The following SFMBT2 variants were observed in gnomAD, a reference collection of about 807,000 sequenced individuals.
SFMBT2 encodes scm-like with four MBT domains protein 2.
Under a neutral mutation model 110.1 loss-of-function variants are expected in SFMBT2, and 38 were observed. The ratio of observed to expected loss-of-function variants is 0.35; its 90% CI spans 0.27 to 0.45. The LOEUF (loss-of-function observed/expected upper bound fraction) is 0.45. Among genes scored for constraint, SFMBT2 ranks in the 20% least tolerant of loss-of-function variants. SFMBT2 has a pLI of 1.00. For missense variants in SFMBT2, 1,011 were observed against 1,094.9 expected, an observed-to-expected ratio of 0.92 and a Z score of 1.08; for synonymous variants, 425 against 425.4, an observed-to-expected ratio of 1.00 and a Z score of 0.01.
intron 4 of SFMBT2, among the ~76,000 whole-genome samples, chr10:7,324,960 A>AC (rs1843331957): frequency 8.8e-6 from 1 of 113,458 alleles, no homozygotes; most frequent in African/African-American, 3.6e-5. Context: ...TAGAGGCCCC[A>AC]CTTTTTTTTT....
chr10:7,163,390 T>G lies in SFMBT2; in HGVS notation c.*380A>C, dbSNP rs551313735. 4.2e-4 allele frequency: 78 copies of G among 187,164 alleles called. No individual in the cohort carries two copies. The highest frequency in any genetic ancestry group is 7.7e-5 in the Non-Finnish European group (7 of 90,404). 11.6% of individuals were successfully genotyped at this position (187,164 alleles called of 1,614,324 possible). A position where few individuals can be genotyped will look rare whatever the true frequency, so the allele number is the denominator to read the frequency against. On this transcript the variant is annotated 3_prime_UTR_variant, in exon 21 of 21. Transcript: ENST00000397167. This position sits in a 1 kb window ranked among gnomAD's most constrained non-coding sequence, Gnocchi z 4.8. The stretch of plus-strand genomic sequence containing the variant: ...TGTGATTACAGGAAACACTACAGCA[T>G]GGCGTGAGGTTTCTTCCTTGGCGAC...
intron 4 of SFMBT2, among the ~76,000 whole-genome samples, chr10:7,333,474 C>A (rs117123877): frequency 0.034 from 5,105 of 151,468 alleles, 120 homozygotes; most frequent in Non-Finnish European, 0.054. Flanking sequence ...CTCACTACCA[C>A]CTCGAATTCC....
intron 6 of SFMBT2, among the ~76,000 whole-genome samples, chr10:7,282,890 G>A (rs2131839354): frequency 6.6e-6 from 1 of 152,128 alleles, no homozygotes; most frequent in East Asian, 1.9e-4. Context: ...ACCAATTTCT[G>A]AAAAAATACG....
chr10:7,313,779 A>G (rs1348235690), intron 4 of SFMBT2, among the ~76,000 whole-genome samples: 2 of 152,222 alleles, frequency 1.3e-5, no homozygotes, highest in Non-Finnish European at 2.9e-5. Flanking sequence ...CACCATGTCC[A>G]GCCAGGTTGT....
chr10:7,178,780 C>T (rs774574286), intron 16 of SFMBT2, among the ~76,000 whole-genome samples: 21 of 152,186 alleles, frequency 1.4e-4, no homozygotes, highest in Non-Finnish European at 2.8e-4. Context: ...CAGCCCTTAT[C>T]CAAATATTTA....
intron 4 of SFMBT2, among the ~76,000 whole-genome samples, chr10:7,363,863 A>G (rs1844806669): frequency 6.6e-6 from 1 of 152,092 alleles, no homozygotes; most frequent in African/African-American, 2.4e-5. Context: ...ATCAGTAAGA[A>G]AATCTCCGTC....
intron 4 of SFMBT2, among the ~76,000 whole-genome samples, chr10:7,348,913 G>T (rs937135564): frequency 2.0e-5 from 3 of 152,184 alleles, no homozygotes; most frequent in Non-Finnish European, 4.4e-5. Flanking sequence ...CTCAGAAGTG[G>T]TAAGTTCCAT....
At chr10:7,341,365 G>T (rs568545177) in intron 4 of SFMBT2, among the ~76,000 whole-genome samples, 1 of 152,114 alleles carries the variant, frequency 6.6e-6, no homozygotes, top group Non-Finnish European at 1.5e-5. Flanking sequence ...TAAATCTAAC[G>T]TTCATTCTGG....
intron 9 of SFMBT2, among the ~76,000 whole-genome samples, chr10:7,228,672 C>CT (rs1163114000): frequency 1.8e-4 from 15 of 85,066 alleles, no homozygotes; most frequent in African/African-American, 6.1e-4. Flanking sequence ...ACTAAAGTGG[C>CT]TTCTTTCTTT....
chr10:7,332,966 A>C (rs1030403286), intron 4 of SFMBT2, among the ~76,000 whole-genome samples: 1 of 152,176 alleles, frequency 6.6e-6, no homozygotes. Context: ...TCCTGGGTTC[A>C]AGTGATTCTC....
intron 15 of SFMBT2, among the ~76,000 whole-genome samples, chr10:7,191,667 C>T (rs973506147): frequency 2.6e-5 from 4 of 152,134 alleles, no homozygotes; most frequent in African/African-American, 7.2e-5. Flanking sequence ...AGGATTATTC[C>T]GTAATTGGCT....
chr10:7,264,263 CCAGACTCAATG>C (rs1841314188), intron 7 of SFMBT2: 1 of 241,108 alleles, frequency 4.1e-6, no homozygotes, highest in Non-Finnish European at 6.7e-6. Context: ...CCCAACCAAA[CCAGACTCAATG>C]CAGTGCACTG....
chr10:7,208,275 G>A (rs542783171), intron 11 of SFMBT2, among the ~76,000 whole-genome samples: 20 of 152,126 alleles, frequency 1.3e-4, no homozygotes, highest in Non-Finnish European at 2.6e-4. Context: ...TTTCTCCTCC[G>A]CAGACCCAAA....
chr10:7,273,680 C>T (rs11593687), intron 7 of SFMBT2, among the ~76,000 whole-genome samples: 81,218 of 151,988 alleles, frequency 0.53, 22,150 homozygotes, highest in East Asian at 0.79. Context: ...AGTGTTCTCA[C>T]TGTTCAATTC....
chr10:7,378,020 G>T (rs1405041445), intron 2 of SFMBT2, among the ~76,000 whole-genome samples: 1 of 151,318 alleles, frequency 6.6e-6, no homozygotes, highest in Non-Finnish European at 1.5e-5. Context: ...TATGTGAATG[G>T]GTGGGAGTGT....
intron 11 of SFMBT2, chr10:7,214,545 C>T (rs185640377): frequency 3.0e-6 from 3 of 985,060 alleles, no homozygotes; most frequent in Non-Finnish European, 3.6e-6. Context: ...TGTTTAAATA[C>T]CTATGAGGAA....
intron 1 of SFMBT2, among the ~76,000 whole-genome samples, chr10:7,388,289 G>A (rs1012860484): frequency 2.6e-5 from 4 of 150,994 alleles, no homozygotes; most frequent in Non-Finnish European, 4.4e-5. Flanking sequence ...AGTGCTATAG[G>A]GAAAAATGAA....
Position 7,408,797 on chromosome 10 carries a change from T to A in SFMBT2, c.-52+2064A>T, listed in dbSNP as rs1418286479. 6.6e-6 allele frequency: 1 copy of A among 152,398 alleles called. No homozygotes were observed. The highest frequency in any genetic ancestry group is 2.4e-5 in the African/African-American group (1 of 41,446). The allele number at this position is 152,398 out of a possible 1,614,324, so 9.4% of individuals were successfully genotyped here. A position where few individuals can be genotyped will look rare whatever the true frequency, so the allele number is the denominator to read the frequency against. On this transcript the variant is annotated intron_variant, in intron 1 of 20. Transcript: ENST00000397167. The surrounding 1 kb of genome is among the most constrained non-coding windows in gnomAD (Gnocchi z 5.7). The stretch of plus-strand genomic sequence containing the variant: ...CCTGACCCCGATTTTGTCTCCGAAC[T>A]CCACTCCCAGATCCTCCCCGCCCTG...
chr10:7,171,017 T>C lies in SFMBT2; in HGVS notation c.2455A>G (p.Ser819Gly). Residue 819 changes from serine to glycine, a missense_variant, in exon 20 of 21, where the codon AGC becomes GGC. Ser to Gly is a moderately conservative substitution (Grantham distance 56, BLOSUM62 0). Coordinates refer to ENST00000397167, the MANE Select transcript of SFMBT2 (RefSeq NM_001387889.1). The surrounding 1 kb of genome is among the most constrained non-coding windows in gnomAD (Gnocchi z 4.9). ...GTGACCGTCCACTCCAACGGGTTGC[T>C]CTCCAGAACCAGTCTCTCCTCCTCC... ...QEEEERLVLE[S>G]NPLEWTVTDV... 6.2e-7 allele frequency: 1 copy of C among 1,614,126 alleles called. No homozygotes were observed. The highest frequency in any genetic ancestry group is 8.5e-7 in the Non-Finnish European group (1 of 1,180,012).
Sources: allele counts gnomAD v4.1 joint callset (sites outside exome capture counted in the v4.1 genomes callset), GRCh38; gene constraint gnomAD v4.1.1; non-coding constraint Gnocchi (gnomAD v3.1); transcripts MANE v1.5; gene names NCBI Gene and HGNC (gene_info 2026-07-23, HGNC 2026-07-21).